ABCA4: variants seen among roughly 807,000 people sequenced by gnomAD.
ABCA4 encodes retinal-specific phospholipid-transporting ATPase ABCA4.
Under a neutral mutation model 263.7 loss-of-function variants are expected in ABCA4, and 196 were observed. The observed-to-expected ratio is 0.74, with a 90% CI of 0.66 to 0.84. ABCA4 has a LOEUF of 0.84. Among genes scored for constraint, ABCA4 ranks in the 40% least tolerant of loss-of-function variants. The pLI is 0.00. For missense variants in ABCA4, 2,792 were observed against 2,855.1 expected, an observed-to-expected ratio of 0.98 and a Z score of 0.50; for synonymous variants, 1,133 against 1,094.2, an observed-to-expected ratio of 1.04 and a Z score of -0.70.
chr1:94,074,540 C>T (rs1324428269), intron 11 of ABCA4, among the ~76,000 whole-genome samples: 2 of 152,218 alleles, frequency 1.3e-5, no homozygotes, highest in African/African-American at 4.8e-5. Flanking sequence ...AGAGCTTCTG[C>T]ACAGCAAAAG....
At chr1:94,000,321 G>A (rs1018780532) in intron 47 of ABCA4, among the ~76,000 whole-genome samples, 3 of 152,210 alleles carry the variant, frequency 2.0e-5, no homozygotes. Flanking sequence ...AGTTTACAAT[G>A]TGTGGGTACA....
chr1:94,009,297 G>A (rs1659483038), intron 40 of ABCA4, among the ~76,000 whole-genome samples: 6 of 152,076 alleles, frequency 3.9e-5, no homozygotes, highest in Admixed American at 3.9e-4. Flanking sequence ...CTCAGTAAGG[G>A]GTAGTTACTA....
intron 25 of ABCA4, 135 bp from the exon 26 acceptor site, chr1:94,036,923 T>C: frequency 2.1e-6 from 2 of 972,666 alleles, no homozygotes; most frequent in Non-Finnish European, 1.6e-6. Context: ...GAGAACATCA[T>C]CTTCTATAAA....
Position 94,080,563 on chromosome 1 carries a change from G to A in ABCA4, c.1014C>T (p.Asn338=). ...CCTTATAGTTATTGTCTTCATACCA[G>A]TTGAAGGAGAGCACCCGAGAGCCAC... ...EGGGSRVLSF[N]WYEDNNYKAF... Residue 338 remains asparagine, a synonymous_variant, in exon 8 of 50, where the codon AAC becomes AAT. Coordinates refer to ENST00000370225, the MANE Select transcript of ABCA4 (RefSeq NM_000350.3). 2 of 1,614,144 alleles carry A rather than the reference G, an allele frequency of 1.2e-6. No homozygotes were observed. Among genetic ancestry groups the A allele is most frequent in the Non-Finnish European group, 8.5e-7 (1 of 1,180,016 alleles).
intron 30 of ABCA4, among the ~76,000 whole-genome samples, chr1:94,026,121 C>T (rs966775395): frequency 2.6e-5 from 4 of 152,224 alleles, no homozygotes; most frequent in Admixed American, 6.5e-5. Context: ...TTCACTCTGT[C>T]AAGGGTGCTG....
At chr1:94,103,456 A>G (rs1470863417) in intron 4 of ABCA4, among the ~76,000 whole-genome samples, 1 of 152,120 alleles carries the variant, frequency 6.6e-6, no homozygotes, top group Non-Finnish European at 1.5e-5. Context: ...GAACTGAAAC[A>G]GGGGAATTTC....
Position 94,062,665 on chromosome 1 carries a change from G to C in ABCA4, c.1849C>G (p.Gln617Glu), listed in dbSNP as rs1557787457. 6.8e-6 allele frequency: 11 copies of C among 1,614,154 alleles called. No individual in the cohort carries two copies. The highest frequency in any genetic ancestry group is 9.3e-6 in the Non-Finnish European group (11 of 1,180,036). Reference protein sequence around the residue: ...GFAYLQDMVEQGITRSQVQAE... With the variant: ...GFAYLQDMVEEGITRSQVQAE... ...TGCACCTGGCTCCTTGTGATCCCCT[G>C]TTCAACCATGTCCTGCAGATAGGCA... Residue 617 changes from glutamine to glutamate, a missense_variant, in exon 13 of 50, where the codon CAG (glutamine) becomes GAG (glutamate). Physicochemically the swap from Gln to Glu is conservative, Grantham distance 29. Coordinates refer to ENST00000370225, the MANE Select transcript of ABCA4 (RefSeq NM_000350.3).
At position 93,996,211 on chromosome 1, in the gene ABCA4, G is replaced by A. The variant is rs530039315; in HGVS notation, c.6730-16C>T. 1 of 1,590,770 alleles carries A rather than the reference G, an allele frequency of 6.3e-7. No individual in the cohort carries two copies. Among genetic ancestry groups the A allele is most frequent in the East Asian group, 2.2e-5 (1 of 44,748 alleles). ...TTACAAACACCTAGAGGTAAGAGAAGAGCGAGATTAGGTAGATATTTCCAG... is the reference window on the plus strand; with the variant it reads ...TTACAAACACCTAGAGGTAAGAGAAAAGCGAGATTAGGTAGATATTTCCAG... On this transcript the variant is annotated splice_polypyrimidine_tract_variant and intron_variant, in intron 48 of 49. Transcript: ENST00000370225.
chr1:94,094,990 T>C (rs1662083786), intron 6 of ABCA4, among the ~76,000 whole-genome samples: 1 of 152,198 alleles, frequency 6.6e-6, no homozygotes, highest in African/African-American at 2.4e-5. Context: ...CTCCTTCAGG[T>C]GAAACCAAGA....
intron 9 of ABCA4, 145 bp downstream of exon 9, chr1:94,079,177 G>C (rs540492735): frequency 8.4e-7 from 1 of 1,186,440 alleles, no homozygotes; most frequent in African/African-American, 1.5e-5. Flanking sequence ...GACTGTGGAT[G>C]GGGGAGGAAA....
chr1:94,004,490 C>T (rs992527500), intron 44 of ABCA4, among the ~76,000 whole-genome samples: 1 of 152,204 alleles, frequency 6.6e-6, no homozygotes, highest in Non-Finnish European at 1.5e-5. Context: ...TCTTCTCCCC[C>T]GCTCCACCCT....
Position 94,078,849 on chromosome 1 carries a change from C to T in ABCA4, c.1240-143G>A, listed in dbSNP as rs1015208500. ...GTGTTTTTATTTTCTCAGTCTATTGCTATTTCCCAGAACAATTCACCATCT... is the reference window on the plus strand; with the variant it reads ...GTGTTTTTATTTTCTCAGTCTATTGTTATTTCCCAGAACAATTCACCATCT... On this transcript the variant is annotated intron_variant, in intron 9 of 49. Transcript: ENST00000370225. 72 of 738,266 alleles carry T rather than the reference C, an allele frequency of 9.8e-5. No individual in the cohort carries two copies. The African/African-American group carries it at 1.1e-3, about 11-fold the overall frequency. 45.7% of individuals were successfully genotyped at this position (738,266 alleles called of 1,614,324 possible). A position where few individuals can be genotyped will look rare whatever the true frequency, so the allele number is the denominator to read the frequency against.
intron 31 of ABCA4, 36 bp downstream of exon 31, chr1:94,024,918 A>G (rs751125373): frequency 6.6e-7 from 1 of 1,516,754 alleles, no homozygotes; most frequent in Non-Finnish European, 9.2e-7. Flanking sequence ...TTCTACAGGG[A>G]GCCAGGATAA....
Position 94,008,209 on chromosome 1 carries a change from TCA to T in ABCA4, c.5898+24_5898+25del, listed in dbSNP as rs1491329070. 32 of 1,612,588 alleles carry T rather than the reference TCA, an allele frequency of 2.0e-5. No homozygotes were observed. In the Admixed American group the frequency reaches 4.2e-4, roughly 21 times the overall value. On this transcript the variant is annotated intron_variant, in intron 42 of 49. Transcript: ENST00000370225. ...ACAAGAGCTGATGTTCGGAAGCCTT[TCA>T]CACGTGGTCTGCAGAGTACCCACCT... is the stretch of plus-strand genomic sequence containing the variant.
intron 11 of ABCA4, among the ~76,000 whole-genome samples, chr1:94,070,629 G>A (rs1661376828): frequency 6.6e-6 from 1 of 152,178 alleles, no homozygotes; most frequent in Non-Finnish European, 1.5e-5. Flanking sequence ...CCATGAAGGT[G>A]CGGAGGCGTA....
At chr1:94,082,233 T>G (rs17111016) in intron 7 of ABCA4, among the ~76,000 whole-genome samples, 1,753 of 152,322 alleles carry the variant, frequency 0.012, 35 homozygotes, top group African/African-American at 0.038. Flanking sequence ...GTCAAAGCAC[T>G]CAGAGATGAA....
intron 11 of ABCA4, among the ~76,000 whole-genome samples, chr1:94,072,958 A>T (rs1212931017): frequency 6.6e-6 from 1 of 152,140 alleles, no homozygotes; most frequent in Non-Finnish European, 1.5e-5. Flanking sequence ...AAATGCCAGC[A>T]TGGTGGTTAG....
intron 11 of ABCA4, among the ~76,000 whole-genome samples, chr1:94,065,897 A>C (rs776618270): frequency 6.6e-5 from 10 of 152,236 alleles, no homozygotes; most frequent in African/African-American, 2.4e-4. Context: ...TTCTTTAAGA[A>C]ATACCAGTAT....
chr1:94,021,281 T>A lies in ABCA4; in HGVS notation c.4977A>T (p.Gln1659His). 1 of 1,614,150 alleles carries A rather than the reference T, an allele frequency of 6.2e-7. No individual in the cohort carries two copies. The highest frequency in any genetic ancestry group is 8.5e-7 in the Non-Finnish European group (1 of 1,180,042). ...GCTGCTCCTTGGTCAGGTTCAGGGG[T>A]TGGCTAATGACGGTGATTCCATACT... ...PEEYGITVIS[Q>H]PLNLTKEQLS... Residue 1659 changes from glutamine (Q) to histidine (H), a missense_variant, in exon 35 of 50, where the codon CAA (glutamine) becomes CAT (histidine). By Grantham distance (24) the Gln-to-His change is conservative. Transcript: ENST00000370225.
Sources: allele counts gnomAD v4.1 joint callset (sites outside exome capture counted in the v4.1 genomes callset), GRCh38; gene constraint gnomAD v4.1.1; transcripts MANE v1.5; gene names NCBI Gene and HGNC (gene_info 2026-07-23, HGNC 2026-07-21).